The following EPS15L1 variants were observed in gnomAD, a reference collection of about 807,000 sequenced individuals.
EPS15L1 encodes epidermal growth factor receptor substrate 15-like 1.
Under a neutral mutation model 117.1 loss-of-function variants are expected in EPS15L1, and 43 were observed. The ratio of observed to expected loss-of-function variants is 0.37; its 90% confidence interval spans 0.29 to 0.47. The LOEUF is 0.47. Ranked by LOEUF, EPS15L1 falls within the 20% of genes least tolerant of loss-of-function variation. The pLI, the probability that EPS15L1 is intolerant of heterozygous loss-of-function variation, is 0.99. For missense variants in EPS15L1, 981 were observed against 1,164.0 expected (o/e 0.84, Z 2.29); for synonymous variants, 459 against 470.5 (o/e 0.98, Z 0.32).
chr19:16,374,798 G>A (rs913613638), intron 22 of EPS15L1, among the ~76,000 whole-genome samples: 1 of 152,256 alleles, frequency 6.6e-6, no homozygotes, highest in Admixed American at 6.5e-5. Context: ...GTGCACATGT[G>A]TGTAAATGTG....
Position 16,404,803 on chromosome 19 carries a change from A to G in EPS15L1, c.1267-54T>C. The G allele has an allele frequency of 6.3e-7, 1 of 1,596,626 alleles. No homozygotes were observed. Among genetic ancestry groups the G allele is most frequent in the South Asian group, 1.1e-5 (1 of 89,728 alleles). On this transcript the variant is annotated intron_variant, in intron 13 of 23. Coordinates refer to ENST00000455140, the MANE Select transcript of EPS15L1 (RefSeq NM_001258374.3). The surrounding 1 kb of genome is among the most constrained non-coding windows in gnomAD (Gnocchi z 4.2). The stretch of plus-strand genomic sequence containing the variant: ...AGGATGGGAAAAATGAAGCATGTCC[A>G]AGATAACGGGGGGCAGCCTGGGCCA...
intron 23 of EPS15L1, chr19:16,357,394 G>A (rs1267798186): frequency 6.6e-6 from 1 of 152,470 alleles, no homozygotes; most frequent in Non-Finnish European, 1.5e-5. Context: ...ATGAAGCGTG[G>A]GGTGGGATAA....
intron 19 of EPS15L1, among the ~76,000 whole-genome samples, 169 bp from the exon 20 acceptor site, chr19:16,386,400 C>G (rs1016071620): frequency 6.6e-5 from 10 of 152,226 alleles, no homozygotes; most frequent in Non-Finnish European, 1.3e-4. Flanking sequence ...CAGATCAACC[C>G]TCCTGCAGAT....
chr19:16,364,562 C>T (rs1458674431), intron 22 of EPS15L1, among the ~76,000 whole-genome samples: 2 of 152,218 alleles, frequency 1.3e-5, no homozygotes, highest in East Asian at 1.9e-4. Context: ...CTGCCTCACA[C>T]CCCCACCTTG....
At chr19:16,435,171 T>G (rs1432417114) in intron 6 of EPS15L1, 1 of 152,200 alleles carries the variant, frequency 6.6e-6, no homozygotes, top group African/African-American at 2.4e-5. Flanking sequence ...GGGTTGGTCT[T>G]GAACTCCTGG....
intron 15 of EPS15L1, 126 bp from the exon 16 acceptor site, chr19:16,402,611 A>G (rs1487607780): frequency 3.4e-6 from 3 of 872,254 alleles, no homozygotes; most frequent in Non-Finnish European, 5.0e-6. Flanking sequence ...GAGTGATCAT[A>G]GCTCACTGTA....
At chr19:16,451,516 A>G (rs1023312049) in intron 1 of EPS15L1, among the ~76,000 whole-genome samples, 4 of 151,150 alleles carry the variant, frequency 2.6e-5, no homozygotes, top group Admixed American at 2.0e-4. Context: ...AATTTCTTTT[A>G]TTTATTTATT....
intron 1 of EPS15L1, among the ~76,000 whole-genome samples, chr19:16,470,219 T>TA (rs34482179): frequency 0.068 from 10,105 of 148,002 alleles, 466 homozygotes; most frequent in African/African-American, 0.13. Context: ...CCGTCTCCAC[T>TA]AAAAAAAAAA....
chr19:16,378,201 G>A (rs1314086821), intron 21 of EPS15L1, among the ~76,000 whole-genome samples: 1 of 151,922 alleles, frequency 6.6e-6, no homozygotes, highest in Non-Finnish European at 1.5e-5. Flanking sequence ...ACGTCTTGCA[G>A]GTAGGTAGGT....
intron 9 of EPS15L1, among the ~76,000 whole-genome samples, chr19:16,423,848 A>AG (rs1261625625): frequency 2.0e-5 from 3 of 152,172 alleles, no homozygotes; most frequent in African/African-American, 4.8e-5. Flanking sequence ...CACAGAAACA[A>AG]GGGGGGTTCT....
At chr19:16,461,969 T>C (rs1001999581) in intron 1 of EPS15L1, among the ~76,000 whole-genome samples, 2 of 152,164 alleles carry the variant, frequency 1.3e-5, no homozygotes, top group African/African-American at 4.8e-5. Context: ...CAGCCTACTA[T>C]GTGCCAGGAG....
In EPS15L1 at chr19:16,395,525, T is replaced by C. The variant is rs1438592877; in HGVS notation, c.1792-58A>G. The C allele has an allele frequency of 5.2e-6, 8 of 1,545,832 alleles. No individual in the cohort carries two copies. The African/African-American group carries it at 1.1e-4, about 21-fold the overall frequency. On this transcript the variant is annotated intron_variant, in intron 16 of 23. Transcript: ENST00000455140. ...TTATTATTTCTGAGTTAAAGCAAAG[T>C]ACGGAATTCCATACTTAACTCACAT...
At chr19:16,444,375 G>A in intron 1 of EPS15L1, among the ~76,000 whole-genome samples, 1 of 152,188 alleles carries the variant, frequency 6.6e-6, no homozygotes. Flanking sequence ...TGGAGGCAGT[G>A]ACACCATTCC....
rs1459944156 is a variant in EPS15L1, at chr19:16,405,758, G to A, written c.1267-1009C>T. Among the ~76,000 whole-genome samples the A allele has an allele frequency of 6.6e-6, 1 of 152,226 alleles. No homozygotes were observed. Among genetic ancestry groups the A allele is most frequent in the East Asian group, 1.9e-4 (1 of 5,200 alleles). ...AACCTTTCTGGAAGGCCCCCTCCAG[G>A]AGCTCATGAACAGCACCTCCGGGGA... On this transcript the variant is annotated intron_variant, in intron 13 of 23. Transcript: ENST00000455140. The surrounding 1 kb of genome is among the most constrained non-coding windows in gnomAD (Gnocchi z 4.0).
intron 6 of EPS15L1, among the ~76,000 whole-genome samples, chr19:16,436,309 T>C (rs1026051590): frequency 6.6e-6 from 1 of 152,198 alleles, no homozygotes; most frequent in Non-Finnish European, 1.5e-5. Context: ...AGGCCTGATG[T>C]TACTTGGAGG....
intron 13 of EPS15L1, among the ~76,000 whole-genome samples, chr19:16,410,337 C>T (rs1012886345): frequency 1.3e-5 from 2 of 152,138 alleles, no homozygotes; most frequent in African/African-American, 4.8e-5. Flanking sequence ...CCCACCACGA[C>T]GGCTAGAAGG....
At chr19:16,400,725 T>C (rs2092592285) in intron 16 of EPS15L1, 2 of 985,330 alleles carry the variant, frequency 2.0e-6, no homozygotes, top group African/African-American at 3.5e-5. Context: ...TTAATCTACA[T>C]TCCCAAAGTA....
At chr19:16,443,323 G>A (rs747772048) in intron 1 of EPS15L1, among the ~76,000 whole-genome samples, 44 of 152,174 alleles carry the variant, frequency 2.9e-4, no homozygotes, top group African/African-American at 5.3e-4. Context: ...CCAGGGGGAC[G>A]TAGACTCCTT....
At chr19:16,406,670 C>G (rs144895844) in intron 13 of EPS15L1, among the ~76,000 whole-genome samples, 3 of 152,350 alleles carry the variant, frequency 2.0e-5, no homozygotes, top group Non-Finnish European at 2.9e-5. Context: ...GGCTCCAACA[C>G]CTTTGGCCTG....
Sources: allele counts gnomAD v4.1 joint callset (sites outside exome capture counted in the v4.1 genomes callset), GRCh38; gene constraint gnomAD v4.1.1; non-coding constraint Gnocchi (gnomAD v3.1); transcripts MANE v1.5; gene names NCBI Gene and HGNC (gene_info 2026-07-23, HGNC 2026-07-21).